CDH13: variants seen among roughly 807,000 people sequenced by gnomAD.
CDH13 encodes cadherin-13.
Under a neutral mutation model 63.8 loss-of-function variants are expected in CDH13, and 24 were observed. The ratio of observed to expected loss-of-function variants is 0.38; its 90% CI spans 0.27 to 0.53. The LOEUF is 0.53. Ranked by LOEUF, CDH13 falls within the 20% of genes least tolerant of loss-of-function variation. The pLI is 0.85. For missense variants in CDH13, 1,049 were observed against 903.1 expected (o/e 1.16, Z -2.07); for synonymous variants, 503 against 355.3 (o/e 1.42, Z -4.67).
At chr16:83,490,712 G>A (rs1033522916) in intron 7 of CDH13, among the ~76,000 whole-genome samples, 1 of 152,194 alleles carries the variant, frequency 6.6e-6, no homozygotes, top group Non-Finnish European at 1.5e-5. Context: ...TTGAAAGGCG[G>A]GAAGGAAGTG....
intron 1 of CDH13, among the ~76,000 whole-genome samples, chr16:82,649,821 C>CA (rs1232675081): frequency 6.6e-6 from 1 of 152,188 alleles, no homozygotes; most frequent in Non-Finnish European, 1.5e-5. Flanking sequence ...TAACCTTGAG[C>CA]AAACCCCATA....
chr16:83,357,206 C>T (rs1363006012), intron 6 of CDH13, among the ~76,000 whole-genome samples: 2 of 152,286 alleles, frequency 1.3e-5, no homozygotes, highest in East Asian at 3.9e-4. Context: ...ATCTGTTCCT[C>T]TCCTTCCTTC....
chr16:83,253,489 A>C (rs1905838189), intron 5 of CDH13, among the ~76,000 whole-genome samples: 2 of 152,240 alleles, frequency 1.3e-5, no homozygotes, highest in Admixed American at 1.3e-4. Flanking sequence ...CATTCGCCAC[A>C]AGATACCTGT....
intron 4 of CDH13, among the ~76,000 whole-genome samples, chr16:83,210,187 C>A (rs1474470603): frequency 6.6e-6 from 1 of 151,984 alleles, no homozygotes; most frequent in Non-Finnish European, 1.5e-5. Context: ...GCCTCAGCCT[C>A]CCGAGTAACT....
At chr16:82,782,299 C>G (rs532062853) in intron 1 of CDH13, among the ~76,000 whole-genome samples, 1 of 152,170 alleles carries the variant, frequency 6.6e-6, no homozygotes, top group African/African-American at 2.4e-5. Flanking sequence ...CAATGGCTCA[C>G]GCCTGTAATC....
intron 2 of CDH13, among the ~76,000 whole-genome samples, chr16:83,020,569 A>G (rs548899618): frequency 6.6e-6 from 1 of 152,248 alleles, no homozygotes; most frequent in South Asian, 2.1e-4. Context: ...TAGGAAACAA[A>G]ATAACAGTGC....
chr16:82,826,782 G>C (rs560160926), intron 1 of CDH13: 47 of 152,288 alleles, frequency 3.1e-4, no homozygotes, highest in African/African-American at 1.1e-3. Flanking sequence ...AGGTTCCTCA[G>C]ATAATTTAGA....
At chr16:83,617,916 C>G (rs908360053) in intron 8 of CDH13, among the ~76,000 whole-genome samples, 2 of 152,068 alleles carry the variant, frequency 1.3e-5, no homozygotes, top group African/African-American at 4.8e-5. Context: ...CAATATTCAA[C>G]TTCTGGTGTG....
intron 10 of CDH13, among the ~76,000 whole-genome samples, chr16:83,734,476 G>A (rs368900362): frequency 2.0e-5 from 3 of 151,436 alleles, no homozygotes; most frequent in South Asian, 2.1e-4. Context: ...GTAAACTATC[G>A]CAAGGACAAA....
At chr16:82,814,422 G>A (rs2037600750) in intron 1 of CDH13, among the ~76,000 whole-genome samples, 1 of 152,114 alleles carries the variant, frequency 6.6e-6, no homozygotes, top group South Asian at 2.1e-4. Context: ...GGAAAGGGAG[G>A]CTGAAGACTG....
intron 5 of CDH13, among the ~76,000 whole-genome samples, chr16:83,250,321 C>T (rs1905372700): frequency 1.3e-5 from 2 of 152,092 alleles, no homozygotes; most frequent in African/African-American, 4.8e-5. Flanking sequence ...ATGCCAGCCA[C>T]CGTTCCAAGT....
At chr16:82,934,629 T>A (rs1270826960) in intron 2 of CDH13, among the ~76,000 whole-genome samples, 1 of 152,198 alleles carries the variant, frequency 6.6e-6, no homozygotes, top group Non-Finnish European at 1.5e-5. Flanking sequence ...TCCAAACTTA[T>A]ATGCTCTGCT....
chr16:82,769,676 C>T (rs1175407071), intron 1 of CDH13, among the ~76,000 whole-genome samples: 1 of 152,148 alleles, frequency 6.6e-6, no homozygotes, highest in Non-Finnish European at 1.5e-5. Flanking sequence ...TTCCATGATG[C>T]CCTAGATTTT....
chr16:83,280,111 A>G (rs747365446), intron 5 of CDH13, among the ~76,000 whole-genome samples: 1 of 152,176 alleles, frequency 6.6e-6, no homozygotes, highest in African/African-American at 2.4e-5. Context: ...ACAACAATGA[A>G]GTTTGTAACA....
At chr16:83,242,382 G>A (rs1024068426) in intron 5 of CDH13, among the ~76,000 whole-genome samples, 3 of 152,192 alleles carry the variant, frequency 2.0e-5, no homozygotes, top group African/African-American at 4.8e-5. Context: ...ATTTTCTTGT[G>A]CCATATGAAA....
At chr16:83,652,449 C>T in intron 8 of CDH13, among the ~76,000 whole-genome samples, 1 of 152,008 alleles carries the variant, frequency 6.6e-6, no homozygotes, top group Non-Finnish European at 1.5e-5. Context: ...GTGGGATTCT[C>T]CATGGGCTGC....
intron 7 of CDH13, among the ~76,000 whole-genome samples, chr16:83,516,637 C>G (rs1406645028): frequency 2.6e-5 from 4 of 152,126 alleles, no homozygotes; most frequent in Non-Finnish European, 5.9e-5. Flanking sequence ...ATTGTTCTCC[C>G]TCTTATTTAT....
At chr16:82,850,118 C>T (rs758448923) in intron 1 of CDH13, among the ~76,000 whole-genome samples, 3 of 152,200 alleles carry the variant, frequency 2.0e-5, no homozygotes, top group African/African-American at 4.8e-5. Context: ...TGTAAGGCTA[C>T]AGCTTCTAAA....
At chr16:83,550,997 T>A (rs2075479650) in intron 7 of CDH13, among the ~76,000 whole-genome samples, 1 of 152,106 alleles carries the variant, frequency 6.6e-6, no homozygotes, top group African/African-American at 2.4e-5. Context: ...ATCTCCCAAG[T>A]AGTCTTCTGA....
Sources: allele counts gnomAD v4.1 joint callset (sites outside exome capture counted in the v4.1 genomes callset), GRCh38; gene constraint gnomAD v4.1.1; transcripts MANE v1.5; gene names NCBI Gene and HGNC (gene_info 2026-07-23, HGNC 2026-07-21).